The following RBM46 variants were observed in gnomAD, a reference collection of about 807,000 sequenced individuals.
The protein encoded by RBM46 is RNA binding motif protein 46.
A neutral mutation model predicts 43.3 loss-of-function variants in RBM46; 12 were observed. The ratio of observed to expected loss-of-function variants is 0.28; its 90% CI spans 0.18 to 0.45. The LOEUF (loss-of-function observed/expected upper bound fraction) is 0.45, where lower values mean the gene tolerates loss of function less well. Among genes scored for constraint, RBM46 ranks in the 20% least tolerant of loss-of-function variants. The probability of loss-of-function intolerance (pLI) is 1.00; values close to 1 mark genes in which losing one functional copy is unlikely to be tolerated. For missense variants in RBM46, 412 were observed against 639.1 expected (o/e 0.64, Z 3.83); for synonymous variants, 205 against 207.6 (o/e 0.99, Z 0.11).
intron 4 of RBM46, among the ~76,000 whole-genome samples, chr4:154,824,052 C>T (rs1439762004): frequency 6.6e-6 from 1 of 150,972 alleles, no homozygotes. Flanking sequence ...AACATTTGAT[C>T]AGGTTTTCTA....
chr4:154,814,278 C>G (rs145856992), intron 4 of RBM46, among the ~76,000 whole-genome samples: 1 of 151,850 alleles, frequency 6.6e-6, no homozygotes, highest in African/African-American at 2.4e-5. Flanking sequence ...CTTTTCTTTC[C>G]CCTAGTCTCT....
chr4:154,788,391 A>T (rs188080039), intron 1 of RBM46, among the ~76,000 whole-genome samples: 8 of 152,322 alleles, frequency 5.3e-5, no homozygotes, highest in Admixed American at 3.3e-4. Flanking sequence ...ATCCAGTTTC[A>T]GCTTTCTCCA....
intron 4 of RBM46, among the ~76,000 whole-genome samples, chr4:154,806,688 A>G (rs751243728): frequency 1.6e-4 from 24 of 151,996 alleles, no homozygotes; most frequent in Non-Finnish European, 2.7e-4. Context: ...CAGTCAGTCA[A>G]CTGTTTTATT....
intron 4 of RBM46, 108 bp downstream of exon 4, chr4:154,799,672 C>A: frequency 1.5e-6 from 1 of 680,506 alleles, no homozygotes. Context: ...AAGTATGTAA[C>A]ATAAATTTTA....
chr4:154,788,424 C>T (rs915643894), intron 1 of RBM46, among the ~76,000 whole-genome samples: 7 of 151,910 alleles, frequency 4.6e-5, no homozygotes, highest in Non-Finnish European at 8.8e-5. Flanking sequence ...GTTTTCCCAG[C>T]ACCATTTACT....
intron 4 of RBM46, among the ~76,000 whole-genome samples, chr4:154,826,430 C>T (rs1735966506): frequency 6.6e-6 from 1 of 152,066 alleles, no homozygotes; most frequent in South Asian, 2.1e-4. Context: ...TGCACCCCAG[C>T]TTGGGCAACA....
chr4:154,817,271 T>A (rs1451687091), intron 4 of RBM46, among the ~76,000 whole-genome samples: 1 of 151,948 alleles, frequency 6.6e-6, no homozygotes, highest in Non-Finnish European at 1.5e-5. Flanking sequence ...TTATTAAGGT[T>A]ACAAATATCT....
At chr4:154,788,419 C>G (rs1578891190) in intron 1 of RBM46, among the ~76,000 whole-genome samples, 1 of 152,004 alleles carries the variant, frequency 6.6e-6, no homozygotes, top group Admixed American at 6.6e-5. Flanking sequence ...AGCCAGTTTT[C>G]CCAGCACCAT....
intron 4 of RBM46, chr4:154,827,467 G>GAA (rs1025849717): frequency 7.3e-5 from 56 of 765,484 alleles, no homozygotes; most frequent in Non-Finnish European, 8.4e-5. Context: ...CAGCTTCAAA[G>GAA]AAAAAAAAAA....
chr4:154,788,348 C>T (rs183590670), intron 1 of RBM46, among the ~76,000 whole-genome samples: 34,109 of 151,928 alleles, frequency 0.22, 4,277 homozygotes, highest in Middle Eastern at 0.3. Flanking sequence ...TAATCCATCT[C>T]GAATTAATTT....
At chr4:154,827,092 CAT>C (rs1736002537) in intron 4 of RBM46, 10 of 1,096,028 alleles carry the variant, frequency 9.1e-6, no homozygotes, top group Non-Finnish European at 1.1e-5. Flanking sequence ...TACACACACA[CAT>C]ATAAATGTTG....
At chr4:154,791,514 G>C (rs1734092981) in intron 1 of RBM46, among the ~76,000 whole-genome samples, 1 of 152,050 alleles carries the variant, frequency 6.6e-6, no homozygotes, top group African/African-American at 2.4e-5. Flanking sequence ...TGGATGTGGT[G>C]GTGCATGACT....
At position 154,808,098 on chromosome 4, in the gene RBM46, A is replaced by G. The variant is rs1470655333; in HGVS notation, c.1402+8534A>G. ...GGATTAAAAAGTATATAAGAGTACA[A>G]TCATCAGAAAACATCAATCTCTTAA... is the stretch of plus-strand genomic sequence containing the variant. On this transcript the variant is annotated intron_variant, in intron 4 of 4. Transcript: ENST00000281722. Among the ~76,000 whole-genome samples, 3 of 152,154 alleles carry G rather than the reference A, an allele frequency of 2.0e-5. No homozygotes were observed. The East Asian group carries it at 5.8e-4, about 29-fold the overall frequency.
intron 4 of RBM46, among the ~76,000 whole-genome samples, chr4:154,820,138 A>G (rs1735657793): frequency 6.6e-6 from 1 of 152,068 alleles, no homozygotes; most frequent in African/African-American, 2.4e-5. Context: ...CTGATAATGT[A>G]TTAATCATAA....
At chr4:154,787,710 G>T (rs1387441779) in intron 1 of RBM46, among the ~76,000 whole-genome samples, 1 of 152,068 alleles carries the variant, frequency 6.6e-6, no homozygotes, top group Non-Finnish European at 1.5e-5. Flanking sequence ...GTAATGGGAT[G>T]GCTGGGTCAA....
At chr4:154,823,324 T>G (rs976593867) in intron 4 of RBM46, among the ~76,000 whole-genome samples, 4 of 151,878 alleles carry the variant, frequency 2.6e-5, no homozygotes, top group African/African-American at 9.7e-5. Flanking sequence ...TTCTAGAATT[T>G]TATAGTGGTG....
intron 1 of RBM46, chr4:154,790,509 AG>A (rs1416718268): frequency 6.6e-6 from 1 of 152,256 alleles, no homozygotes; most frequent in East Asian, 1.9e-4. Context: ...TTTTAAAAAA[AG>A]CAAAATGAGT....
At position 154,799,207 on chromosome 4, in the gene RBM46, A is replaced by G. The variant is rs767519992; in HGVS notation, c.1045A>G (p.Thr349Ala). The change falls in exon 4 of 5, where the codon ACT becomes GCT. Residue 349 changes from threonine (T) to alanine (A), a missense_variant. Thr to Ala is a moderately conservative substitution (Grantham distance 58). Transcript: ENST00000281722. ...SHPKTLGKLPTLPARLNGQHS... is the reference protein window; with the variant it reads ...SHPKTLGKLPALPARLNGQHS... ...CCCAAAAACTCTAGGCAAGCTGCCAACTCTTCCTGCTCGTCTCAATGGTCA... is the reference window on the plus strand; with the variant it reads ...CCCAAAAACTCTAGGCAAGCTGCCAGCTCTTCCTGCTCGTCTCAATGGTCA... 3 of 1,614,014 alleles carry G rather than the reference A, an allele frequency of 1.9e-6. No individual in the cohort carries two copies. In the South Asian group the frequency reaches 3.3e-5, roughly 18 times the overall value.
intron 4 of RBM46, chr4:154,820,297 G>A: frequency 3.0e-6 from 3 of 991,258 alleles, no homozygotes; most frequent in South Asian, 1.9e-5. Context: ...AGGATTCCAT[G>A]CACTTCCAAG....
Sources: allele counts gnomAD v4.1 joint callset (sites outside exome capture counted in the v4.1 genomes callset), GRCh38; gene constraint gnomAD v4.1.1; transcripts MANE v1.5; gene names NCBI Gene and HGNC (gene_info 2026-07-23, HGNC 2026-07-21).